Variants in NTAQ1 observed in about 807,000 individuals in gnomAD.
The protein encoded by NTAQ1 is protein N-terminal glutamine amidohydrolase.
Under a neutral mutation model 28.2 loss-of-function variants are expected in NTAQ1, and 21 were observed. The observed-to-expected ratio is 0.74, with a 90% CI of 0.53 to 1.07. The LOEUF (loss-of-function observed/expected upper bound fraction) is 1.07, where lower values mean the gene tolerates loss of function less well. NTAQ1 is among the 50% of genes least tolerant of loss of function. NTAQ1 has a pLI of 0.00. For synonymous variants in NTAQ1, 105 were observed against 90.0 expected (o/e 1.17, Z -0.94); for missense variants, 264 against 256.6 (o/e 1.03, Z -0.20).
downstream of NTAQ1, among the ~76,000 whole-genome samples, chr8:123,442,471 G>A (rs533764961): frequency 9.9e-5 from 15 of 151,520 alleles, no homozygotes; most frequent in South Asian, 1.5e-3. Flanking sequence ...GGTGGCGGGC[G>A]CCTGTAATGC....
rs377337409 is a variant in NTAQ1, at chr8:123,430,228, TG to T, written c.234+196del. Among the ~76,000 whole-genome samples the T allele has an allele frequency of 9.2e-5, 14 of 152,378 alleles. No homozygotes were observed. The South Asian group carries it at 1.5e-3, about 16-fold the overall frequency. On this transcript the variant is annotated intron_variant, in intron 3 of 5. Coordinates refer to ENST00000287387, the MANE Select transcript of NTAQ1 (RefSeq NM_018024.3). The stretch of plus-strand genomic sequence containing the variant: ...GTAGGCATATTTTCTTTTAACTTTT[TG>T]TTTTGAAATTATTATAGGAATGATT...
At chr8:123,465,817 A>C (rs1275331341) in intron 6 of NTAQ1, among the ~76,000 whole-genome samples, 1 of 151,958 alleles carries the variant, frequency 6.6e-6, no homozygotes, top group Non-Finnish European at 1.5e-5. Flanking sequence ...TCCAGGGCTC[A>C]AGCGATCCAC....
At chr8:123,455,778 A>G (rs1400152376) in intron 6 of NTAQ1, among the ~76,000 whole-genome samples, 1 of 151,990 alleles carries the variant, frequency 6.6e-6, no homozygotes, top group South Asian at 2.1e-4. Flanking sequence ...CCGGAAGTCT[A>G]CTGCAGGTGT....
chr8:123,434,529 G>A (rs553601004), intron 3 of NTAQ1, among the ~76,000 whole-genome samples: 75 of 152,278 alleles, frequency 4.9e-4, no homozygotes, highest in Non-Finnish European at 9.1e-4. Flanking sequence ...GGAGGCTGAG[G>A]TGGGAAAATC....
chr8:123,447,272 G>A (rs1198635775), intron 6 of NTAQ1, among the ~76,000 whole-genome samples: 2 of 151,942 alleles, frequency 1.3e-5, no homozygotes, highest in African/African-American at 4.8e-5. Flanking sequence ...CAACTAAAGA[G>A]CAGTGCTTGT....
rs557940884 is a variant in NTAQ1 at position 123,441,394 on chromosome 8, G to A, written c.597G>A (p.Arg199=). Residue 199 remains arginine, a synonymous_variant, in exon 6 of 6, where the codon CGG becomes CGA. Coordinates refer to ENST00000287387, the MANE Select transcript of NTAQ1 (RefSeq NM_018024.3). The stretch of plus-strand genomic sequence containing the variant: ...ACACACTATCCGAATTTACACATCG[G>A]TTTGGCAGTAAAAACTGCTGAACTT... ...AVYTLSEFTH[R]FGSKNC is the part of the protein sequence containing the mutation. 4 of 1,609,074 alleles carry A rather than the reference G, an allele frequency of 2.5e-6. No individual in the cohort carries two copies. Among genetic ancestry groups the A allele is most frequent in the Admixed American group, 3.3e-5 (2 of 59,848 alleles).
downstream of NTAQ1, among the ~76,000 whole-genome samples, chr8:123,447,134 T>C (rs1462487362): frequency 7.5e-6 from 1 of 132,652 alleles, no homozygotes; most frequent in African/African-American, 2.7e-5. Context: ...TTTTTAAATA[T>C]ATAAATATGC....
chr8:123,445,478 T>C (rs11994251), downstream of NTAQ1, among the ~76,000 whole-genome samples: 54,989 of 151,960 alleles, frequency 0.36, 10,063 homozygotes, highest in East Asian at 0.56. Context: ...GCGATACATA[T>C]GGTCCATAAT....
chr8:123,459,566 C>T (rs1011617634), intron 6 of NTAQ1, among the ~76,000 whole-genome samples: 4 of 152,066 alleles, frequency 2.6e-5, no homozygotes, highest in Admixed American at 6.5e-5. Flanking sequence ...CAAGAGTCCC[C>T]TTATTAGAAA....
chr8:123,421,168 C>T (rs539552592), intron 1 of NTAQ1, among the ~76,000 whole-genome samples: 47 of 152,282 alleles, frequency 3.1e-4, no homozygotes, highest in Admixed American at 5.2e-4. Flanking sequence ...ACTGCAGCCT[C>T]GACCTGGTGT....
chr8:123,465,574 C>CATCT (rs1815941055), intron 6 of NTAQ1, among the ~76,000 whole-genome samples: 1 of 78,578 alleles, frequency 1.3e-5, no homozygotes, highest in South Asian at 6.5e-4. Flanking sequence ...AGCATAACAT[C>CATCT]TTTTTTTTTT....
chr8:123,462,195 G>A (rs1815842116), intron 6 of NTAQ1, among the ~76,000 whole-genome samples: 1 of 151,992 alleles, frequency 6.6e-6, no homozygotes, highest in African/African-American at 2.4e-5. Flanking sequence ...ACAGGTGCAT[G>A]CCACCACGCC....
intron 1 of NTAQ1, among the ~76,000 whole-genome samples, chr8:123,426,471 ACCAG>A (rs1287546326): frequency 6.6e-6 from 1 of 152,190 alleles, no homozygotes; most frequent in African/African-American, 2.4e-5. Flanking sequence ...GCAGTTCAAG[ACCAG>A]CCTGAGCAAC....
chr8:123,469,381 G>T (rs1816020109), exon 7 of NTAQ1, among the ~76,000 whole-genome samples: 3 of 152,164 alleles, frequency 2.0e-5, no homozygotes, highest in Admixed American at 2.0e-4. Flanking sequence ...CCTTGGTCAA[G>T]CTTACAGACA....
rs753967667 is a variant in NTAQ1, at chr8:123,437,196, T to G, written c.384-14T>G. ...ACATCTCCCTAATGTGAGTGTATAT[T>G]GATTTTTCTGCAGGAAATTTAGAGT... is the stretch of plus-strand genomic sequence containing the variant. On this transcript the variant is annotated splice_polypyrimidine_tract_variant and intron_variant, in intron 4 of 5. Transcript: ENST00000287387. The G allele has an allele frequency of 7.4e-6, 12 of 1,613,518 alleles. No individual in the cohort carries two copies. The highest frequency in any genetic ancestry group is 1.1e-5 in the South Asian group (1 of 90,948).
At chr8:123,417,697 C>T (rs971961641) in intron 1 of NTAQ1, among the ~76,000 whole-genome samples, 4 of 152,118 alleles carry the variant, frequency 2.6e-5, no homozygotes, top group African/African-American at 7.2e-5. Flanking sequence ...AAACCTACTC[C>T]TCCCCCTTCT....
downstream of NTAQ1, among the ~76,000 whole-genome samples, chr8:123,448,860 G>A (rs983014989): frequency 7.9e-5 from 12 of 152,174 alleles, no homozygotes; most frequent in African/African-American, 2.9e-4. Flanking sequence ...TGGGCTAGAG[G>A]TCCTCAAAGA....
chr8:123,438,083 T>C, intron 5 of NTAQ1: 1 of 677,790 alleles, frequency 1.5e-6, no homozygotes, highest in South Asian at 1.6e-5. Flanking sequence ...TAGAGGGAGG[T>C]GAGCGCTAGC....
chr8:123,445,331 T>C (rs1815234142), downstream of NTAQ1, among the ~76,000 whole-genome samples: 1 of 152,082 alleles, frequency 6.6e-6, no homozygotes, highest in Non-Finnish European at 1.5e-5. Context: ...CTTTTTTCCC[T>C]TCACTAAACA....
Sources: gnomAD v4.1 joint callset for allele counts (sites outside exome capture counted in the v4.1 genomes callset) on GRCh38, gnomAD v4.1.1 for gene constraint, MANE v1.5 for transcripts, NCBI Gene and HGNC (gene_info 2026-07-23, HGNC 2026-07-21) for gene names.